UBE2E3: variants seen among roughly 807,000 people sequenced by gnomAD.
UBE2E3 encodes ubiquitin conjugating enzyme E2 E3.
UBE2E3 carries 5 observed loss-of-function variants against 23.6 expected under a neutral mutation model. The observed-to-expected ratio is 0.21, with a 90% confidence interval of 0.11 to 0.44. The LOEUF (loss-of-function observed/expected upper bound fraction) is 0.44, where lower values mean the gene tolerates loss of function less well. UBE2E3 is among the 20% of genes least tolerant of loss of function. The pLI is 0.99. For synonymous variants in UBE2E3, 78 were observed against 87.5 expected (o/e 0.89, Z 0.60); for missense variants, 81 against 249.8 (o/e 0.32, Z 4.55).
intron 3 of UBE2E3, chr2:180,989,818 TTA>T: frequency 6.8e-7 from 1 of 1,478,190 alleles, no homozygotes; most frequent in Non-Finnish European, 9.1e-7. Flanking sequence ...TCATAACCAA[TTA>T]GTACTTTATG....
intron 3 of UBE2E3, among the ~76,000 whole-genome samples, chr2:181,042,483 TAAAG>T (rs1364895249): frequency 6.6e-6 from 1 of 152,166 alleles, no homozygotes; most frequent in African/African-American, 2.4e-5. Flanking sequence ...TGAATTCAGA[TAAAG>T]AATATTGAAA....
chr2:181,020,045 C>T (rs1213195634), intron 3 of UBE2E3, among the ~76,000 whole-genome samples: 1 of 152,148 alleles, frequency 6.6e-6, no homozygotes, highest in Non-Finnish European at 1.5e-5. Context: ...CTCTTTGCAT[C>T]TCTGAGTTTG....
At chr2:181,011,099 T>C (rs1685312981) in intron 3 of UBE2E3, among the ~76,000 whole-genome samples, 1 of 151,896 alleles carries the variant, frequency 6.6e-6, no homozygotes, top group South Asian at 2.1e-4. Flanking sequence ...TTTTTTTTAA[T>C]TAGTTAGAGC....
At chr2:181,036,167 C>T (rs143144152) in intron 3 of UBE2E3, among the ~76,000 whole-genome samples, 56 of 152,234 alleles carry the variant, frequency 3.7e-4, no homozygotes, top group Non-Finnish European at 7.2e-4. Flanking sequence ...TTCTGACGTA[C>T]TAGGTAAACA....
intron 3 of UBE2E3, among the ~76,000 whole-genome samples, chr2:181,057,404 C>T (rs1009678383): frequency 2.0e-5 from 3 of 151,648 alleles, no homozygotes; most frequent in East Asian, 3.9e-4. Context: ...GTGTGTGTTT[C>T]GGGAGAGAGA....
chr2:181,014,721 A>T (rs994896761), intron 3 of UBE2E3, among the ~76,000 whole-genome samples: 2 of 152,212 alleles, frequency 1.3e-5, no homozygotes, highest in East Asian at 1.9e-4. Context: ...TATTTTTTAA[A>T]TTTTTATTGA....
chr2:181,048,066 C>T (rs917705953), intron 3 of UBE2E3, among the ~76,000 whole-genome samples: 3 of 152,056 alleles, frequency 2.0e-5, no homozygotes, highest in Admixed American at 6.6e-5. Flanking sequence ...TCCTCTTTCC[C>T]AGCCCTTTCC....
At chr2:180,980,554 G>C (rs1324940800), upstream of UBE2E3, 1 of 148,166 alleles carries the variant, frequency 6.7e-6, no homozygotes, top group Non-Finnish European at 1.5e-5. The surrounding 1 kb of genome is among the most constrained non-coding windows in gnomAD (Gnocchi z 5.5). Flanking sequence ...CAGGCAAGCA[G>C]CGAGCACGCG....
At chr2:181,045,649 G>C (rs1285703056) in intron 3 of UBE2E3, among the ~76,000 whole-genome samples, 1 of 152,138 alleles carries the variant, frequency 6.6e-6, no homozygotes, top group Non-Finnish European at 1.5e-5. Flanking sequence ...CTGGTATTGG[G>C]TAAGTTTTTA....
At chr2:180,991,547 C>G (rs1280959360) in intron 3 of UBE2E3, among the ~76,000 whole-genome samples, 3 of 152,262 alleles carry the variant, frequency 2.0e-5, no homozygotes, top group Admixed American at 1.3e-4. Flanking sequence ...CAAGCTTGTT[C>G]TACCTGCGGC....
At chr2:181,029,759 G>A (rs1310418776) in intron 3 of UBE2E3, among the ~76,000 whole-genome samples, 1 of 145,294 alleles carries the variant, frequency 6.9e-6, no homozygotes, top group Non-Finnish European at 1.5e-5. Flanking sequence ...TTTAAATGGA[G>A]CGGTATAAAC....
intron 3 of UBE2E3, among the ~76,000 whole-genome samples, chr2:181,021,268 A>G (rs1212084255): frequency 6.6e-6 from 1 of 152,014 alleles, no homozygotes; most frequent in Non-Finnish European, 1.5e-5. Context: ...TCATATATTC[A>G]TTTAAGTTAC....
intron 3 of UBE2E3, among the ~76,000 whole-genome samples, chr2:181,016,271 G>T (rs1685487154): frequency 6.6e-6 from 1 of 151,778 alleles, no homozygotes; most frequent in Non-Finnish European, 1.5e-5. Context: ...GTACAGACAG[G>T]ATCTCACTGT....
At position 181,017,290 on chromosome 2, in the gene UBE2E3, C is replaced by G. The variant is rs1685523585; in HGVS notation, c.245+33197C>G. Among the ~76,000 whole-genome samples the G allele has an allele frequency of 2.6e-5, 4 of 152,082 alleles. No individual in the cohort carries two copies. In the South Asian group the frequency reaches 8.3e-4, roughly 32 times the overall value. ...GGAAATAGATGTGTGCAGGTAAAGGCTGAGGTCCAGGAGGGGCCAGTGGGA... is the reference window on the plus strand; with the variant it reads ...GGAAATAGATGTGTGCAGGTAAAGGGTGAGGTCCAGGAGGGGCCAGTGGGA... On this transcript the variant is annotated intron_variant, in intron 3 of 5. Transcript: ENST00000410062.
chr2:181,021,520 ATTCT>A (rs1685676646), intron 3 of UBE2E3, among the ~76,000 whole-genome samples: 1 of 87,502 alleles, frequency 1.1e-5, no homozygotes, highest in Admixed American at 1.2e-4. Context: ...TCTTTCTTTT[ATTCT>A]TTCTTTACAA....
intron 5 of UBE2E3, among the ~76,000 whole-genome samples, chr2:181,062,415 G>A (rs978184845): frequency 1.3e-5 from 2 of 151,496 alleles, no homozygotes; most frequent in East Asian, 3.9e-4. Flanking sequence ...TAAGACTGGG[G>A]TTTTATTTTA....
At chr2:181,043,155 G>A (rs371620676) in intron 3 of UBE2E3, among the ~76,000 whole-genome samples, 4 of 152,158 alleles carry the variant, frequency 2.6e-5, no homozygotes, top group East Asian at 3.9e-4. Flanking sequence ...GCTCCAAGAC[G>A]TGAAACTTTT....
At chr2:181,044,199 A>G (rs1216249830) in intron 3 of UBE2E3, among the ~76,000 whole-genome samples, 1 of 152,070 alleles carries the variant, frequency 6.6e-6, no homozygotes, top group Non-Finnish European at 1.5e-5. Flanking sequence ...GTTAAAGATT[A>G]TTTTTATTTT....
chr2:180,983,920 T>C (rs1684377100), intron 2 of UBE2E3, 123 bp from the exon 3 acceptor site: 2 of 655,436 alleles, frequency 3.1e-6, no homozygotes, highest in Middle Eastern at 2.6e-4. Flanking sequence ...GCAGCCATGT[T>C]AGCATTACTG....
Sources: allele counts gnomAD v4.1 joint callset (sites outside exome capture counted in the v4.1 genomes callset), GRCh38; gene constraint gnomAD v4.1.1; non-coding constraint Gnocchi (gnomAD v3.1); transcripts MANE v1.5; gene names NCBI Gene and HGNC (gene_info 2026-07-23, HGNC 2026-07-21).